The following SH3RF3 variants were observed in gnomAD, a reference collection of about 807,000 sequenced individuals.
SH3RF3 encodes SH3 domain containing ring finger 3, also known as E3 ubiquitin-protein ligase SH3RF3.
Under a neutral mutation model 66.3 loss-of-function variants are expected in SH3RF3, and 29 were observed. The observed-to-expected ratio is 0.44, with a 90% CI of 0.33 to 0.60. The LOEUF is 0.60. Among genes scored for constraint, SH3RF3 ranks in the 20% least tolerant of loss-of-function variants. SH3RF3 has a pLI of 0.04. For synonymous variants in SH3RF3, 583 were observed against 532.0 expected (o/e 1.10, Z -1.32); for missense variants, 1,194 against 1,190.9 (o/e 1.00, Z -0.04).
At chr2:109,178,096 TTC>T (rs1448033147) in intron 1 of SH3RF3, among the ~76,000 whole-genome samples, 1 of 152,226 alleles carries the variant, frequency 6.6e-6, no homozygotes, top group African/African-American at 2.4e-5. Flanking sequence ...TAAAAATATT[TTC>T]TCTTTCTATA....
intron 1 of SH3RF3, among the ~76,000 whole-genome samples, chr2:109,195,465 C>T (rs1196582961): frequency 6.6e-6 from 1 of 152,172 alleles, no homozygotes; most frequent in Non-Finnish European, 1.5e-5. Flanking sequence ...GTCCCCACCC[C>T]TTCTTGGCCT....
rs1358946412 is a variant in SH3RF3 at position 109,264,601 on chromosome 2, G to A, written c.574-83073G>A. 2.6e-5 allele frequency among the ~76,000 whole-genome samples: 4 copies of A among 152,268 alleles called. 1 individual carries two copies. In the South Asian group the frequency reaches 6.2e-4, roughly 24 times the overall value. The stretch of plus-strand genomic sequence containing the variant: ...CGATTTAAAACCATGTGCATGAGCT[G>A]ACAGTTGGATGTCAGGAGGTCAGGA... On this transcript the variant is annotated intron_variant, in intron 1 of 9. Transcript: ENST00000309415.
chr2:109,222,541 G>A (rs991619433), intron 1 of SH3RF3, among the ~76,000 whole-genome samples: 1 of 152,182 alleles, frequency 6.6e-6, no homozygotes, highest in Admixed American at 6.5e-5. Flanking sequence ...ATTGTTGGAG[G>A]GGCAAGGGTG....
intron 6 of SH3RF3, among the ~76,000 whole-genome samples, 174 bp downstream of exon 6, chr2:109,432,845 G>C (rs562920181): frequency 1.3e-5 from 2 of 152,388 alleles, no homozygotes; most frequent in East Asian, 3.9e-4. Context: ...CACCTTCTGA[G>C]CTGGGTTTGC....
At chr2:109,447,299 C>T (rs1323157036) in intron 7 of SH3RF3, among the ~76,000 whole-genome samples, 1 of 152,028 alleles carries the variant, frequency 6.6e-6, no homozygotes, top group Non-Finnish European at 1.5e-5. Context: ...ATCTCACCAG[C>T]GCTTCACACA....
chr2:109,325,009 T>G (rs1001950824), intron 1 of SH3RF3, among the ~76,000 whole-genome samples: 1 of 151,838 alleles, frequency 6.6e-6, no homozygotes, highest in Non-Finnish European at 1.5e-5. Flanking sequence ...GGAGAGGCCT[T>G]TGGCTTGCGT....
intron 1 of SH3RF3, among the ~76,000 whole-genome samples, chr2:109,210,437 A>T (rs994364731): frequency 5.3e-5 from 8 of 152,222 alleles, no homozygotes; most frequent in Non-Finnish European, 7.3e-5. Context: ...GTGAGGCTAC[A>T]TGTTGTTTTC....
intron 1 of SH3RF3, among the ~76,000 whole-genome samples, chr2:109,198,687 G>A (rs1325164482): frequency 3.9e-5 from 6 of 152,098 alleles, no homozygotes; most frequent in South Asian, 2.1e-4. Flanking sequence ...AACATTTTTC[G>A]TGTCTCTTAA....
At chr2:109,234,033 T>C (rs1679584549) in intron 1 of SH3RF3, among the ~76,000 whole-genome samples, 1 of 152,346 alleles carries the variant, frequency 6.6e-6, no homozygotes, top group Admixed American at 6.5e-5. Flanking sequence ...GGTTTTTGTG[T>C]TAATATGTTT....
intron 1 of SH3RF3, among the ~76,000 whole-genome samples, chr2:109,256,822 C>T (rs552381186): frequency 6.6e-5 from 10 of 152,210 alleles, no homozygotes; most frequent in South Asian, 2.1e-4. Flanking sequence ...GTGGCAGTGC[C>T]GGGTGACAGG....
At chr2:109,302,747 C>T (rs949822960) in intron 1 of SH3RF3, among the ~76,000 whole-genome samples, 1 of 133,694 alleles carries the variant, frequency 7.5e-6, no homozygotes, top group Non-Finnish European at 1.5e-5. Flanking sequence ...TTCCTGTTTT[C>T]AGACACGACA....
At chr2:109,440,520 A>G (rs1677532113) in intron 7 of SH3RF3, among the ~76,000 whole-genome samples, 1 of 152,254 alleles carries the variant, frequency 6.6e-6, no homozygotes, top group Admixed American at 6.5e-5. Flanking sequence ...ATTGAGCTAG[A>G]CTTCTGCTTA....
chr2:109,289,692 A>T (rs1432391881), intron 1 of SH3RF3, among the ~76,000 whole-genome samples: 1 of 152,304 alleles, frequency 6.6e-6, no homozygotes, highest in East Asian at 1.9e-4. Flanking sequence ...ACTTCATAGC[A>T]TAGAAGATGA....
At chr2:109,207,283 T>C (rs1307793775) in intron 1 of SH3RF3, among the ~76,000 whole-genome samples, 12 of 152,056 alleles carry the variant, frequency 7.9e-5, no homozygotes, top group Non-Finnish European at 1.6e-4. Context: ...ATCATTAGAG[T>C]AAGCTGTGTG....
intron 2 of SH3RF3, among the ~76,000 whole-genome samples, chr2:109,349,877 C>T (rs1261615743): frequency 1.3e-5 from 2 of 152,240 alleles, no homozygotes; most frequent in Non-Finnish European, 2.9e-5. Flanking sequence ...GGCTAGAGCC[C>T]ACTGGACAAG....
intron 1 of SH3RF3, among the ~76,000 whole-genome samples, chr2:109,137,437 T>C (rs1405394296): frequency 6.6e-6 from 1 of 152,252 alleles, no homozygotes; most frequent in Admixed American, 6.5e-5. Context: ...CTGGAGCAGA[T>C]GCTCTGGAAG....
chr2:109,418,031 G>A (rs1176448814), intron 4 of SH3RF3, among the ~76,000 whole-genome samples: 1 of 152,068 alleles, frequency 6.6e-6, no homozygotes, highest in African/African-American at 2.4e-5. Context: ...GTCTCTGCTT[G>A]TAGTGCCTTT....
chr2:109,292,052 A>G (rs1460377604), intron 1 of SH3RF3, among the ~76,000 whole-genome samples: 2 of 152,128 alleles, frequency 1.3e-5, no homozygotes, highest in Non-Finnish European at 2.9e-5. Flanking sequence ...TTTAGTAGAG[A>G]TGAGGTTTCA....
chr2:109,477,601 A>G (rs1045520954), intron 8 of SH3RF3, among the ~76,000 whole-genome samples: 1 of 143,078 alleles, frequency 7.0e-6, no homozygotes, highest in African/African-American at 2.6e-5. Context: ...CTGTAACAAA[A>G]TGCCACAGAT....
Sources: allele counts gnomAD v4.1 joint callset (sites outside exome capture counted in the v4.1 genomes callset), GRCh38; gene constraint gnomAD v4.1.1; transcripts MANE v1.5; gene names NCBI Gene and HGNC (gene_info 2026-07-23, HGNC 2026-07-21).